Variants in GID4 observed in about 807,000 individuals in gnomAD.
The protein encoded by GID4 is GID complex subunit 4 homolog.
A neutral mutation model predicts 32.4 loss-of-function variants in GID4; 7 were observed. That is an observed-to-expected ratio of 0.22 (90% confidence interval 0.12 to 0.41). The LOEUF (loss-of-function observed/expected upper bound fraction) is 0.41, where lower values mean the gene tolerates loss of function less well. GID4 is among the 10% of genes least tolerant of loss of function. GID4 has a pLI of 1.00. For missense variants in GID4, 309 were observed against 400.0 expected (o/e 0.77, Z 1.94); for synonymous variants, 166 against 170.0 (o/e 0.98, Z 0.18).
chr17:18,044,783 C>T (rs1363216253), intron 1 of GID4, among the ~76,000 whole-genome samples: 3 of 152,166 alleles, frequency 2.0e-5, no homozygotes, highest in Non-Finnish European at 2.9e-5. Context: ...GATGACACCA[C>T]GTGTACAGGC....
At position 18,061,789 on chromosome 17, in the gene GID4, C is replaced by T; in HGVS notation, c.709-56C>T. 6.3e-7 allele frequency: 1 copy of T among 1,574,828 alleles called. No homozygotes were observed. The highest frequency in any genetic ancestry group is 1.1e-5 in the South Asian group (1 of 90,282). ...AACCCCCTGATGCTTAACAGGGAGG[C>T]CCCGTGGGTGGTCAGAGAATGCTAT... On this transcript the variant is annotated intron_variant, in intron 4 of 5. Coordinates refer to ENST00000268719, the MANE Select transcript of GID4 (RefSeq NM_024052.5). This position sits in a 1 kb window ranked among gnomAD's most constrained non-coding sequence, Gnocchi z 4.4.
In GID4 at chr17:18,057,088, G is replaced by C. The variant is rs2044975956; in HGVS notation, c.607-1780G>C. 12 of 1,503,640 alleles carry C rather than the reference G, an allele frequency of 8.0e-6. No homozygotes were observed. In the South Asian group the frequency reaches 1.6e-4, roughly 20 times the overall value. The allele number at this position is 1,503,640 out of a possible 1,614,324, so 93.1% of individuals were successfully genotyped here. ...GAGTGGTATTTAAGTTGCTATTATAGTGGTACTATAAAGTCAGGATTCCAT... is the reference window on the plus strand; with the variant it reads ...GAGTGGTATTTAAGTTGCTATTATACTGGTACTATAAAGTCAGGATTCCAT... On this transcript the variant is annotated intron_variant, in intron 3 of 5. Transcript: ENST00000268719.
rs1370199744 is a variant in GID4 at position 18,039,419 on chromosome 17, T to G, written c.-46T>G. 4 of 1,268,344 alleles carry G rather than the reference T, an allele frequency of 3.2e-6. No individual in the cohort carries two copies. The highest frequency in any genetic ancestry group is 3.1e-6 in the Non-Finnish European group (3 of 956,036). 78.6% of individuals were successfully genotyped at this position (1,268,344 alleles called of 1,614,324 possible). A position where few individuals can be genotyped will look rare whatever the true frequency, so the allele number is the denominator to read the frequency against. ...GGAAGGGGCGGGGTGTGTGTGTGTCTGTGTGTGTTTGTGTGTTGTGTGTCT... is the reference window on the plus strand; with the variant it reads ...GGAAGGGGCGGGGTGTGTGTGTGTCGGTGTGTGTTTGTGTGTTGTGTGTCT... On this transcript the variant is annotated 5_prime_UTR_variant, in exon 1 of 6. Transcript: ENST00000268719. The surrounding 1 kb of genome is among the most constrained non-coding windows in gnomAD (Gnocchi z 5.3).
chr17:18,067,508 A>G lies in GID4; in HGVS notation c.*2265A>G, dbSNP rs1196313147. On this transcript the variant is annotated 3_prime_UTR_variant, in exon 6 of 6. Coordinates refer to ENST00000268719, the MANE Select transcript of GID4 (RefSeq NM_024052.5). Reference sequence around the variant, plus strand: ...GATACCTTTACTAGATCCTTCAGACACATCTATGAGAAGATTTGTTCATTT... The same window carrying G: ...GATACCTTTACTAGATCCTTCAGACGCATCTATGAGAAGATTTGTTCATTT... 1.3e-5 allele frequency: 2 copies of G among 152,534 alleles called. No homozygotes were observed. The highest frequency in any genetic ancestry group is 2.9e-5 in the Non-Finnish European group (2 of 68,042). The allele number at this position is 152,534 out of a possible 1,614,324, so 9.4% of individuals were successfully genotyped here. A position where few individuals can be genotyped will look rare whatever the true frequency, so the allele number is the denominator to read the frequency against.
intron 4 of GID4, among the ~76,000 whole-genome samples, chr17:18,060,084 CAAAAAAAAAA>C (rs35399188): frequency 3.3e-5 from 2 of 60,474 alleles, no homozygotes; most frequent in African/African-American, 6.9e-5. Flanking sequence ...GACTCCATCT[CAAAAAAAAAA>C]AAAAAAAAAA....
chr17:18,057,176 A>G, intron 3 of GID4: 1 of 1,032,388 alleles, frequency 9.7e-7, no homozygotes, highest in Non-Finnish European at 1.4e-6. Flanking sequence ...TCATGCCTGT[A>G]ATGCCAGCAC....
intron 3 of GID4, among the ~76,000 whole-genome samples, chr17:18,057,835 A>AT (rs2044983207): frequency 6.6e-6 from 1 of 151,794 alleles, no homozygotes; most frequent in Non-Finnish European, 1.5e-5. Context: ...CTGATGATGT[A>AT]TAGATTTTTT....
At chr17:18,060,400 C>CAAAAAAA (rs919974638) in intron 4 of GID4, among the ~76,000 whole-genome samples, 1 of 45,674 alleles carries the variant, frequency 2.2e-5, no homozygotes, top group African/African-American at 7.4e-5. Context: ...TCTGTCTCAC[C>CAAAAAAA]AAAAAAAAAA....
chr17:18,053,096 A>G (rs559885349), intron 2 of GID4, among the ~76,000 whole-genome samples: 141 of 146,250 alleles, frequency 9.6e-4, no homozygotes, highest in African/African-American at 3.4e-3. Context: ...GCTTACTGCA[A>G]ACTCCGCCTC....
chr17:18,057,165 C>T, intron 3 of GID4: 2 of 1,152,876 alleles, frequency 1.7e-6, no homozygotes, highest in Non-Finnish European at 2.4e-6. Flanking sequence ...GGTGTGGTGG[C>T]TCATGCCTGT....
chr17:18,043,520 G>A (rs926593340), intron 1 of GID4, among the ~76,000 whole-genome samples: 5 of 152,200 alleles, frequency 3.3e-5, no homozygotes, highest in African/African-American at 4.8e-5. Flanking sequence ...CCATGTTAGC[G>A]TGGATTAGCT....
Position 18,053,017 on chromosome 17 carries a change from T to TG in GID4, c.499-1110_499-1109insG, listed in dbSNP as rs1368676019. The stretch of plus-strand genomic sequence containing the variant: ...ACTGAAAAAAGTATTTACTTTTTTT[T>TG]TTTTTTTTTTTTTTTGAGACAGAGT... On this transcript the variant is annotated intron_variant, in intron 2 of 5. Coordinates refer to ENST00000268719, the MANE Select transcript of GID4 (RefSeq NM_024052.5). Among the ~76,000 whole-genome samples, 17 of 143,454 alleles carry TG rather than the reference T, an allele frequency of 1.2e-4. 1 individual carries two copies. The East Asian group carries it at 3.5e-3, about 29-fold the overall frequency. The allele number at this position is 143,454 out of a possible 152,430, so 94.1% of individuals were successfully genotyped here. A position where few individuals can be genotyped will look rare whatever the true frequency, so the allele number is the denominator to read the frequency against.
chr17:18,065,390 C>T lies in GID4; in HGVS notation c.*147C>T, dbSNP rs1367318284. The stretch of plus-strand genomic sequence containing the variant: ...ATCACAAAGCATGAATGTTAACCCA[C>T]AGAATCCAAGGAGCATGGCTGGCCC... On this transcript the variant is annotated 3_prime_UTR_variant, in exon 6 of 6. Coordinates refer to ENST00000268719, the MANE Select transcript of GID4 (RefSeq NM_024052.5). 9 of 687,634 alleles carry T rather than the reference C, an allele frequency of 1.3e-5. No homozygotes were observed. The highest frequency in any genetic ancestry group is 2.3e-5 in the Non-Finnish European group (9 of 387,166). 42.6% of individuals were successfully genotyped at this position (687,634 alleles called of 1,614,324 possible).
intron 1 of GID4, among the ~76,000 whole-genome samples, chr17:18,042,454 T>C (rs2044812116): frequency 6.6e-6 from 1 of 152,264 alleles, no homozygotes; most frequent in African/African-American, 2.4e-5. Flanking sequence ...TCAAGGTTCA[T>C]CCATATGGTA....
chr17:18,062,619 A>C (rs1181232175), intron 5 of GID4, among the ~76,000 whole-genome samples: 1 of 152,164 alleles, frequency 6.6e-6, no homozygotes, highest in Non-Finnish European at 1.5e-5. Context: ...CTTTCTTTCC[A>C]GTATTTAACA....
At chr17:18,042,215 A>G (rs540889080) in intron 1 of GID4, among the ~76,000 whole-genome samples, 29 of 152,294 alleles carry the variant, frequency 1.9e-4, no homozygotes, top group South Asian at 1.9e-3. Flanking sequence ...GTACAATTCA[A>G]TAGTTTTTAG....
intron 3 of GID4, among the ~76,000 whole-genome samples, chr17:18,057,684 G>A (rs2044981775): frequency 6.6e-6 from 1 of 151,952 alleles, no homozygotes; most frequent in Admixed American, 6.6e-5. Flanking sequence ...TTTAAAAAAT[G>A]GGATCATAAA....
intron 3 of GID4, chr17:18,056,570 C>CT (rs936161438): frequency 1.2e-6 from 1 of 813,728 alleles, no homozygotes; most frequent in African/African-American, 1.7e-5. Context: ...CCATTCAACT[C>CT]TATTTTCCAT....
chr17:18,051,200 C>CT (rs2044906048), intron 2 of GID4, among the ~76,000 whole-genome samples: 2 of 152,078 alleles, frequency 1.3e-5, no homozygotes, highest in African/African-American at 4.8e-5. Flanking sequence ...GAGACCGGGT[C>CT]TTACTATGTT....
Sources: allele counts gnomAD v4.1 joint callset (sites outside exome capture counted in the v4.1 genomes callset), GRCh38; gene constraint gnomAD v4.1.1; non-coding constraint Gnocchi (gnomAD v3.1); transcripts MANE v1.5; gene names NCBI Gene and HGNC (gene_info 2026-07-23, HGNC 2026-07-21).